Variants in AFF3 observed in about 807,000 individuals in gnomAD.
AFF3 encodes ALF transcription elongation factor 3.
AFF3 carries 32 observed loss-of-function variants against 129.7 expected under a neutral mutation model. The observed-to-expected ratio is 0.25, with a 90% confidence interval of 0.19 to 0.33. The LOEUF (loss-of-function observed/expected upper bound fraction) is 0.33, where lower values mean the gene tolerates loss of function less well. Among genes scored for constraint, AFF3 ranks in the 10% least tolerant of loss-of-function variants. The pLI, the probability that AFF3 is intolerant of heterozygous loss-of-function variation, is 1.00. For synonymous variants in AFF3, 644 were observed against 635.4 expected, an observed-to-expected ratio of 1.01 and a Z score of -0.20; for missense variants, 1,373 against 1,592.0, an observed-to-expected ratio of 0.86 and a Z score of 2.34.
intron 11 of AFF3, among the ~76,000 whole-genome samples, chr2:99,688,243 C>T (rs1675267067): frequency 6.6e-6 from 1 of 152,172 alleles, no homozygotes. Context: ...TAAGGTACTA[C>T]ACTATAGTGG....
chr2:99,848,126 G>A (rs993688685), intron 7 of AFF3, among the ~76,000 whole-genome samples: 2 of 151,636 alleles, frequency 1.3e-5, no homozygotes, highest in Non-Finnish European at 2.9e-5. Flanking sequence ...GGTGTGTGCC[G>A]GTAATCCCAG....
chr2:99,758,868 C>T (rs749493760), intron 8 of AFF3, among the ~76,000 whole-genome samples: 11 of 152,118 alleles, frequency 7.2e-5, no homozygotes, highest in Admixed American at 2.6e-4. Flanking sequence ...ATTTGTTTTC[C>T]AATCTATTGA....
At chr2:99,564,569 G>A (rs573052246) in intron 20 of AFF3, among the ~76,000 whole-genome samples, 34 of 152,142 alleles carry the variant, frequency 2.2e-4, no homozygotes, top group African/African-American at 7.0e-4. Context: ...CTCTGATGTC[G>A]GCATGACAGT....
intron 7 of AFF3, among the ~76,000 whole-genome samples, chr2:99,890,455 A>C (rs1009388549): frequency 3.9e-5 from 6 of 152,224 alleles, no homozygotes; most frequent in African/African-American, 1.4e-4. Flanking sequence ...ATTGAGATAC[A>C]TGCATTCCCA....
chr2:100,142,042 T>C (rs1692906879), intron 1 of AFF3, among the ~76,000 whole-genome samples: 1 of 152,178 alleles, frequency 6.6e-6, no homozygotes, highest in African/African-American at 2.4e-5. Flanking sequence ...ACTGGGGCCA[T>C]TGACTGGGAT....
chr2:99,807,738 C>G (rs1202523135), intron 8 of AFF3, among the ~76,000 whole-genome samples: 2 of 152,160 alleles, frequency 1.3e-5, no homozygotes, highest in Non-Finnish European at 2.9e-5. Context: ...AGGCACAGTT[C>G]CTGCTTATCG....
chr2:99,941,886 C>T (rs1469758844), intron 7 of AFF3, among the ~76,000 whole-genome samples: 1 of 152,182 alleles, frequency 6.6e-6, no homozygotes, highest in Non-Finnish European at 1.5e-5. Context: ...GCAGTGCCTA[C>T]CTCTATACTT....
At chr2:100,018,194 C>T (rs1042648420) in intron 4 of AFF3, among the ~76,000 whole-genome samples, 1 of 152,026 alleles carries the variant, frequency 6.6e-6, no homozygotes, top group Non-Finnish European at 1.5e-5. Flanking sequence ...ACAGACTCGC[C>T]CATTTTACCG....
At chr2:99,909,678 G>A (rs1359894403) in intron 7 of AFF3, among the ~76,000 whole-genome samples, 7 of 151,818 alleles carry the variant, frequency 4.6e-5, no homozygotes, top group African/African-American at 7.3e-5. Flanking sequence ...TTTGGGTCTC[G>A]GTATAGGCCA....
intron 7 of AFF3, among the ~76,000 whole-genome samples, chr2:99,850,952 TTA>T (rs751832329): frequency 6.6e-6 from 1 of 152,208 alleles, no homozygotes; most frequent in Non-Finnish European, 1.5e-5. Flanking sequence ...ACAACCCTGT[TTA>T]TGTTATTTAA....
chr2:99,617,071 C>T (rs1272265019), intron 13 of AFF3, among the ~76,000 whole-genome samples: 1 of 152,160 alleles, frequency 6.6e-6, no homozygotes, highest in East Asian at 1.9e-4. Context: ...TGATGGACGT[C>T]GGATTGTTTC....
intron 4 of AFF3, among the ~76,000 whole-genome samples, chr2:100,045,997 G>A (rs1261047219): frequency 6.6e-6 from 1 of 152,078 alleles, no homozygotes; most frequent in African/African-American, 2.4e-5. Context: ...CTGCATGAGG[G>A]TTGGCACCTC....
intron 12 of AFF3, among the ~76,000 whole-genome samples, chr2:99,670,268 G>C (rs1259566147): frequency 1.3e-5 from 2 of 152,176 alleles, no homozygotes; most frequent in Non-Finnish European, 2.9e-5. Context: ...GGCGATCTGA[G>C]GAAGGGCAGG....
intron 12 of AFF3, among the ~76,000 whole-genome samples, chr2:99,667,650 AC>A: frequency 6.6e-6 from 1 of 152,346 alleles, no homozygotes; most frequent in South Asian, 2.1e-4. Context: ...GATGAGTATC[AC>A]TAATGAAACG....
At position 99,826,974 on chromosome 2, in the gene AFF3, A is replaced by G. The variant is rs959871095; in HGVS notation, c.921+10503T>C. Among the ~76,000 whole-genome samples the G allele has an allele frequency of 2.0e-5, 3 of 152,168 alleles. No individual in the cohort carries two copies. The Middle Eastern group carries it at 0.01, about 521-fold the overall frequency. ...GACCCACCGGAGGGAGACAGAGCTG[A>G]CAGGCTTGGTGAGGAACTGAACATG... On this transcript the variant is annotated intron_variant, in intron 8 of 24. Transcript: ENST00000672756.
At chr2:99,630,336 T>C (rs1162136225) in intron 13 of AFF3, among the ~76,000 whole-genome samples, 1 of 152,202 alleles carries the variant, frequency 6.6e-6, no homozygotes, top group Non-Finnish European at 1.5e-5. Flanking sequence ...CAATAGCTAC[T>C]GAACACCTGT....
intron 2 of AFF3, among the ~76,000 whole-genome samples, chr2:100,117,780 CT>C (rs751405815): frequency 2.6e-5 from 4 of 152,222 alleles, no homozygotes; most frequent in Non-Finnish European, 4.4e-5. Context: ...CTGCCAAGTA[CT>C]TGGGGGCATT....
intron 8 of AFF3, among the ~76,000 whole-genome samples, chr2:99,778,845 C>T (rs1019190934): frequency 1.3e-5 from 2 of 149,796 alleles, no homozygotes; most frequent in Non-Finnish European, 1.5e-5. Context: ...TGCAACTTTG[C>T]CAAACTTGTT....
intron 13 of AFF3, among the ~76,000 whole-genome samples, chr2:99,617,024 T>C (rs769629959): frequency 1.4e-4 from 22 of 152,232 alleles, no homozygotes; most frequent in Non-Finnish European, 2.6e-4. Context: ...TATTCCATTG[T>C]ATGAATATAC....
Sources: allele counts gnomAD v4.1 joint callset (sites outside exome capture counted in the v4.1 genomes callset), GRCh38; gene constraint gnomAD v4.1.1; transcripts MANE v1.5; gene names NCBI Gene and HGNC (gene_info 2026-07-23, HGNC 2026-07-21).